Variants in ADAMTS12 observed in about 807,000 individuals in gnomAD.
ADAMTS12 encodes A disintegrin and metalloproteinase with thrombospondin motifs 12.
ADAMTS12 carries 118 observed loss-of-function variants against 167.8 expected under a neutral mutation model. The ratio of observed to expected loss-of-function variants is 0.70; its 90% CI spans 0.61 to 0.82. The LOEUF is 0.82. Ranked by LOEUF, ADAMTS12 falls within the 40% of genes least tolerant of loss-of-function variation. The pLI is 0.00. For missense variants in ADAMTS12, 1,916 were observed against 1,998.8 expected, an observed-to-expected ratio of 0.96 and a Z score of 0.79; for synonymous variants, 704 against 716.9, an observed-to-expected ratio of 0.98 and a Z score of 0.29.
intron 21 of ADAMTS12, among the ~76,000 whole-genome samples, chr5:33,547,795 G>A (rs556173796): frequency 4.7e-4 from 72 of 152,098 alleles, no homozygotes; most frequent in Admixed American, 1.6e-3. Flanking sequence ...ATCTTTGATC[G>A]CCTGCAAATG....
At chr5:33,788,115 C>A (rs1746396018) in intron 2 of ADAMTS12, among the ~76,000 whole-genome samples, 1 of 152,172 alleles carries the variant, frequency 6.6e-6, no homozygotes, top group African/African-American at 2.4e-5. Flanking sequence ...ATGGCCAGCC[C>A]CTCGAACTAC....
chr5:33,759,329 C>T (rs539210240), intron 2 of ADAMTS12, among the ~76,000 whole-genome samples: 62 of 152,374 alleles, frequency 4.1e-4, no homozygotes, highest in African/African-American at 1.4e-3. Flanking sequence ...CATTCTATAG[C>T]ATAGTCTGTT....
At chr5:33,724,287 G>A (rs1288740335) in intron 3 of ADAMTS12, among the ~76,000 whole-genome samples, 3 of 152,152 alleles carry the variant, frequency 2.0e-5, no homozygotes, top group African/African-American at 7.2e-5. Flanking sequence ...CTGGTTGATT[G>A]GGAGGTCAGG....
chr5:33,828,074 C>T (rs568548964), intron 2 of ADAMTS12, among the ~76,000 whole-genome samples: 5 of 152,260 alleles, frequency 3.3e-5, no homozygotes, highest in Admixed American at 3.3e-4. Flanking sequence ...GGTTGGGTCA[C>T]AGGACATATG....
intron 2 of ADAMTS12, among the ~76,000 whole-genome samples, chr5:33,773,650 C>G (rs1745820951): frequency 6.6e-6 from 1 of 152,140 alleles, no homozygotes; most frequent in Non-Finnish European, 1.5e-5. Context: ...GAAGAAAGAT[C>G]ATATAGATCA....
chr5:33,865,468 C>G (rs1749783169), intron 2 of ADAMTS12, among the ~76,000 whole-genome samples: 1 of 152,038 alleles, frequency 6.6e-6, no homozygotes, highest in South Asian at 2.1e-4. Flanking sequence ...GGACATACCT[C>G]AAAATAATAA....
intron 2 of ADAMTS12, among the ~76,000 whole-genome samples, chr5:33,770,543 A>C (rs111666713): frequency 2.6e-5 from 4 of 152,248 alleles, no homozygotes; most frequent in African/African-American, 9.6e-5. Flanking sequence ...TGTTTTTCAC[A>C]TTCATCTGAA....
chr5:33,890,355 T>G (rs1750797552), intron 1 of ADAMTS12, among the ~76,000 whole-genome samples: 1 of 152,208 alleles, frequency 6.6e-6, no homozygotes, highest in South Asian at 2.1e-4. Context: ...TGGGAGATTG[T>G]ATCTGGACCG....
chr5:33,553,013 A>G (rs982021747), intron 20 of ADAMTS12, among the ~76,000 whole-genome samples: 4 of 152,188 alleles, frequency 2.6e-5, no homozygotes, highest in African/African-American at 9.6e-5. Context: ...TACAAAAAAC[A>G]AAAAACAAAA....
intron 2 of ADAMTS12, among the ~76,000 whole-genome samples, chr5:33,833,200 A>C (rs1748371934): frequency 6.6e-6 from 1 of 152,184 alleles, no homozygotes; most frequent in African/African-American, 2.4e-5. Flanking sequence ...GTTCAAAGAA[A>C]CCATGTTCCA....
intron 3 of ADAMTS12, among the ~76,000 whole-genome samples, chr5:33,698,627 C>CCCATTTCCCCAGTAGGT (rs11276005): frequency 6.6e-6 from 1 of 151,574 alleles, no homozygotes; most frequent in Non-Finnish European, 1.5e-5. Context: ...TATCACTAGC[C>CCCATTTCCCCAGTAGGT]CCATTACATT....
chr5:33,665,684 G>C (rs1268035591), intron 5 of ADAMTS12, among the ~76,000 whole-genome samples: 1 of 152,158 alleles, frequency 6.6e-6, no homozygotes, highest in Admixed American at 6.5e-5. Context: ...CCTCAATAGG[G>C]AAGGCATCAG....
At position 33,553,322 on chromosome 5, in the gene ADAMTS12, T is replaced by C. The variant is rs115994594; in HGVS notation, c.4126-3939A>G. On this transcript the variant is annotated intron_variant, in intron 20 of 23. Coordinates refer to ENST00000504830, the MANE Select transcript of ADAMTS12 (RefSeq NM_030955.4). ...GACAGTGTGGTGATTCCTCAAGACC[T>C]AAAGACAGAAATACTATTTGACCAA... Among the ~76,000 whole-genome samples the C allele has an allele frequency of 2.1e-3, 326 of 152,314 alleles. 1 individual carries two copies. Among genetic ancestry groups the C allele is most frequent in the African/African-American group, 7.5e-3 (313 of 41,580 alleles).
At position 33,582,211 on chromosome 5, in the gene ADAMTS12, T is replaced by C. The variant is rs778774508; in HGVS notation, c.2866-5051A>G. ...TCAACATAGCTCTCAGCTGGTTTTC[T>C]GTGAGTAGTTGTTGCAAACAGAGGT... On this transcript the variant is annotated intron_variant, in intron 18 of 23. Transcript: ENST00000504830. 1.2e-4 allele frequency among the ~76,000 whole-genome samples: 18 copies of C among 152,312 alleles called. No individual in the cohort carries two copies. The Middle Eastern group carries it at 0.01, about 86-fold the overall frequency.
At chr5:33,588,888 C>T (rs1369153446) in intron 17 of ADAMTS12, 79 bp from the exon 18 acceptor site, 2 of 1,530,194 alleles carry the variant, frequency 1.3e-6, no homozygotes, top group Non-Finnish European at 1.8e-6. Context: ...AAAGCAGGGG[C>T]AGAAATGCAG....
chr5:33,604,516 AG>A lies in ADAMTS12; in HGVS notation c.2528-8457del, dbSNP rs761230518. Among the ~76,000 whole-genome samples, 985 of 148,690 alleles carry A rather than the reference AG, an allele frequency of 6.6e-3. 10 individuals are homozygous for A. The highest frequency in any genetic ancestry group is 0.021 in the African/African-American group (866 of 40,740). On this transcript the variant is annotated intron_variant, in intron 16 of 23. Transcript: ENST00000504830. ...AACTCCATCTCAAAATTAAAAAAAA[AG>A]AAAAGAAAAGAAAAGAAAGAACAAC...
At chr5:33,747,696 A>G (rs1744838399) in intron 3 of ADAMTS12, among the ~76,000 whole-genome samples, 1 of 152,194 alleles carries the variant, frequency 6.6e-6, no homozygotes, top group African/African-American at 2.4e-5. Context: ...ATGAGATGGA[A>G]AAACTACAGA....
chr5:33,537,028 G>A (rs1744449082), intron 22 of ADAMTS12, among the ~76,000 whole-genome samples: 1 of 152,240 alleles, frequency 6.6e-6, no homozygotes, highest in African/African-American at 2.4e-5. Context: ...CCTTTGCTCA[G>A]GCCCATGTGG....
intron 12 of ADAMTS12, among the ~76,000 whole-genome samples, chr5:33,635,710 C>T (rs1187164830): frequency 6.6e-6 from 1 of 152,142 alleles, no homozygotes; most frequent in East Asian, 1.9e-4. Context: ...AGAAAAAATG[C>T]TGCATAAATC....
Sources: gnomAD v4.1 joint callset for allele counts (sites outside exome capture counted in the v4.1 genomes callset) on GRCh38, gnomAD v4.1.1 for gene constraint, MANE v1.5 for transcripts, NCBI Gene and HGNC (gene_info 2026-07-23, HGNC 2026-07-21) for gene names.